Variants in TLN2 observed in about 807,000 individuals in gnomAD.
TLN2 encodes talin-2.
TLN2 carries 118 observed loss-of-function variants against 294.7 expected under a neutral mutation model. That is an observed-to-expected ratio of 0.40 (90% CI 0.34 to 0.47). The LOEUF is 0.47. Ranked by LOEUF, TLN2 falls within the 20% of genes least tolerant of loss-of-function variation. The pLI is 0.84. For synonymous variants in TLN2, 1,431 were observed against 1,304.5 expected (o/e 1.10, Z -2.09); for missense variants, 3,083 against 3,282.2 (o/e 0.94, Z 1.48).
At chr15:62,750,547 A>G in intron 34 of TLN2, 56 bp downstream of exon 34, 1 of 1,468,192 alleles carries the variant, frequency 6.8e-7, no homozygotes, top group South Asian at 1.1e-5. Flanking sequence ...ATGTGGGGAG[A>G]AGTTTAGACG....
intron 2 of TLN2, among the ~76,000 whole-genome samples, chr15:62,605,481 G>A (rs2047355377): frequency 1.3e-5 from 2 of 152,102 alleles, no homozygotes; most frequent in Admixed American, 1.3e-4. Context: ...AGGAATCCTT[G>A]GCAGTTTGGG....
At chr15:62,606,921 G>C (rs941390790) in intron 2 of TLN2, among the ~76,000 whole-genome samples, 2 of 152,100 alleles carry the variant, frequency 1.3e-5, no homozygotes, top group African/African-American at 4.8e-5. Context: ...AGTGCTCCAC[G>C]GTGGGCCACT....
intron 1 of TLN2, among the ~76,000 whole-genome samples, chr15:62,499,880 G>A (rs1026465735): frequency 3.9e-5 from 6 of 152,060 alleles, no homozygotes; most frequent in African/African-American, 1.4e-4. Flanking sequence ...TGGGATTACA[G>A]GCATAAGCCA....
intron 44 of TLN2, among the ~76,000 whole-genome samples, chr15:62,783,121 C>G (rs2064325668): frequency 6.6e-6 from 1 of 152,176 alleles, no homozygotes; most frequent in Non-Finnish European, 1.5e-5. Context: ...GGGCTACACA[C>G]TACTCTTAAC....
At chr15:62,705,737 G>A (rs748020219) in intron 19 of TLN2, among the ~76,000 whole-genome samples, 18 of 152,236 alleles carry the variant, frequency 1.2e-4, no homozygotes, top group Non-Finnish European at 2.6e-4. Flanking sequence ...TCCAGGAATT[G>A]TAACTTTGCC....
intron 1 of TLN2, among the ~76,000 whole-genome samples, chr15:62,577,020 C>T (rs936671450): frequency 1.3e-5 from 2 of 152,182 alleles, no homozygotes; most frequent in Non-Finnish European, 2.9e-5. Context: ...CCTGCTGTGT[C>T]TTTCCTGGGT....
At chr15:62,770,844 C>G in intron 41 of TLN2, 120 bp from the exon 42 acceptor site, 1 of 1,222,654 alleles carries the variant, frequency 8.2e-7, no homozygotes, top group Non-Finnish European at 1.1e-6. Flanking sequence ...TGCAGCAGAT[C>G]TGCCTCTCCC....
intron 2 of TLN2, among the ~76,000 whole-genome samples, chr15:62,617,709 C>G (rs925545317): frequency 1.9e-4 from 29 of 152,182 alleles, no homozygotes; most frequent in Non-Finnish European, 3.7e-4. Context: ...GAATGGCTCT[C>G]TTTTGGAGTT....
intron 1 of TLN2, among the ~76,000 whole-genome samples, chr15:62,570,901 A>ATC (rs896564000): frequency 1.7e-5 from 2 of 114,614 alleles, no homozygotes; most frequent in Non-Finnish European, 3.7e-5. Context: ...ATGCACAGGC[A>ATC]TCTGTGTGTG....
At chr15:62,743,308 C>T (rs1457223288) in intron 32 of TLN2, among the ~76,000 whole-genome samples, 1 of 151,970 alleles carries the variant, frequency 6.6e-6, no homozygotes, top group Non-Finnish European at 1.5e-5. Context: ...CAGGCCTGGA[C>T]CAACTCAGCC....
intron 10 of TLN2, among the ~76,000 whole-genome samples, chr15:62,674,750 C>T (rs941762343): frequency 6.6e-6 from 1 of 152,160 alleles, no homozygotes; most frequent in Non-Finnish European, 1.5e-5. Context: ...GATCTAGCCA[C>T]CTTGGCCTCC....
At chr15:62,703,016 G>C in intron 19 of TLN2, 152 bp downstream of exon 19, 1 of 676,660 alleles carries the variant, frequency 1.5e-6, no homozygotes, top group Non-Finnish European at 2.4e-6. Context: ...AGGTCTTTTT[G>C]TGTTACCAAA....
At chr15:62,765,168 A>G (rs900820686) in intron 40 of TLN2, among the ~76,000 whole-genome samples, 5 of 152,066 alleles carry the variant, frequency 3.3e-5, no homozygotes, top group Non-Finnish European at 5.9e-5. Flanking sequence ...ACCATCTGTA[A>G]TAAGACAGCA....
At chr15:62,629,397 C>G (rs1430720479) in intron 3 of TLN2, among the ~76,000 whole-genome samples, 1 of 152,178 alleles carries the variant, frequency 6.6e-6, no homozygotes, top group Non-Finnish European at 1.5e-5. Context: ...GACAGTTCCC[C>G]AGGTTATACC....
intron 46 of TLN2, 129 bp from the exon 47 acceptor site, chr15:62,795,998 T>C (rs563701127): frequency 9.0e-6 from 11 of 1,224,840 alleles, no homozygotes; most frequent in Non-Finnish European, 1.0e-5. Flanking sequence ...GGCCGTTGAC[T>C]CCAGATGTGT....
intron 1 of TLN2, among the ~76,000 whole-genome samples, chr15:62,393,771 A>T (rs747583403): frequency 6.6e-6 from 1 of 151,834 alleles, no homozygotes; most frequent in Admixed American, 6.6e-5. Context: ...CAAGTTTACT[A>T]CCTTAATATT....
chr15:62,524,648 T>TG (rs2040640337), intron 1 of TLN2, among the ~76,000 whole-genome samples: 1 of 152,184 alleles, frequency 6.6e-6, no homozygotes, highest in East Asian at 1.9e-4. Flanking sequence ...ATATAGTAAA[T>TG]GTCAGTAAAT....
At chr15:62,586,811 TCTAC>T (rs1444507057) in intron 1 of TLN2, among the ~76,000 whole-genome samples, 2 of 152,252 alleles carry the variant, frequency 1.3e-5, no homozygotes, top group African/African-American at 2.4e-5. Context: ...CAGGAATGAA[TCTAC>T]CTGTCTCTTG....
At chr15:62,701,051 G>A (rs1041593672) in intron 16 of TLN2, 55 bp from the exon 17 acceptor site, 3 of 1,481,776 alleles carry the variant, frequency 2.0e-6, no homozygotes, top group African/African-American at 1.4e-5. Context: ...GGCTTCTCCG[G>A]TCTCCTGGGT....
Sources: gnomAD v4.1 joint callset for allele counts (sites outside exome capture counted in the v4.1 genomes callset) on GRCh38, gnomAD v4.1.1 for gene constraint, MANE v1.5 for transcripts, NCBI Gene and HGNC (gene_info 2026-07-23, HGNC 2026-07-21) for gene names.